Variants in NCOA1 observed in about 807,000 individuals in gnomAD.
NCOA1 encodes nuclear receptor coactivator 1, also known as Hin-2 protein.
NCOA1 carries 35 observed loss-of-function variants against 150.9 expected under a neutral mutation model. That is an observed-to-expected ratio of 0.23 (90% confidence interval 0.18 to 0.31). The LOEUF is 0.31. Ranked by LOEUF, NCOA1 falls within the 10% of genes least tolerant of loss-of-function variation. The pLI, the probability that NCOA1 is intolerant of heterozygous loss-of-function variation, is 1.00. For synonymous variants in NCOA1, 590 were observed against 630.0 expected, an observed-to-expected ratio of 0.94 and a Z score of 0.95; for missense variants, 1,491 against 1,749.3, an observed-to-expected ratio of 0.85 and a Z score of 2.63.
At chr2:24,715,799 T>G (rs1384534165) in intron 14 of NCOA1, among the ~76,000 whole-genome samples, 10 of 152,152 alleles carry the variant, frequency 6.6e-5, no homozygotes, top group African/African-American at 4.8e-5. Context: ...TGTCAAGATA[T>G]CAGTTATTCC....
At chr2:24,666,929 A>G (rs948245343) in intron 6 of NCOA1, among the ~76,000 whole-genome samples, 1 of 152,142 alleles carries the variant, frequency 6.6e-6, no homozygotes, top group African/African-American at 2.4e-5. Context: ...CCTACCAGAA[A>G]TAAAGGCAAA....
intron 3 of NCOA1, among the ~76,000 whole-genome samples, chr2:24,587,987 C>T (rs1007416000): frequency 2.0e-5 from 3 of 152,302 alleles, no homozygotes; most frequent in African/African-American, 7.2e-5. Context: ...TTCCCCTTTA[C>T]AAAATACTGT....
intron 5 of NCOA1, among the ~76,000 whole-genome samples, chr2:24,659,762 A>C (rs888612850): frequency 2.0e-5 from 3 of 152,040 alleles, no homozygotes; most frequent in Non-Finnish European, 4.4e-5. Flanking sequence ...GTTGTGGGGG[A>C]GCTGTCCTGT....
At chr2:24,624,965 G>C (rs1201432393) in intron 3 of NCOA1, among the ~76,000 whole-genome samples, 12 of 152,176 alleles carry the variant, frequency 7.9e-5, no homozygotes, top group Non-Finnish European at 1.6e-4. Flanking sequence ...GACTCAGCTG[G>C]TGTAGTGTGA....
intron 3 of NCOA1, among the ~76,000 whole-genome samples, chr2:24,600,270 A>G (rs1458097046): frequency 6.6e-6 from 1 of 152,060 alleles, no homozygotes; most frequent in African/African-American, 2.4e-5. Flanking sequence ...TGGTGGTGCA[A>G]TGTTGGCTCA....
chr2:24,576,149 G>GTTTTTTTTTGTTTGTTTTTTTTTTT (rs1666947727), intron 2 of NCOA1, among the ~76,000 whole-genome samples: 1 of 94,026 alleles, frequency 1.1e-5, no homozygotes, highest in African/African-American at 4.5e-5. Flanking sequence ...TTTGGCCTTT[G>GTTTTTTTTTGTTTGTTTTTTTTTTT]TTTTTTTTTT....
intron 1 of NCOA1, among the ~76,000 whole-genome samples, chr2:24,554,853 G>A (rs559946902): frequency 2.9e-4 from 44 of 152,278 alleles, no homozygotes; most frequent in Non-Finnish European, 6.0e-4. Context: ...TGGAGGCTGA[G>A]AGCCCCAAAA....
At chr2:24,584,937 C>T (rs1429955737) in intron 3 of NCOA1, among the ~76,000 whole-genome samples, 1 of 152,134 alleles carries the variant, frequency 6.6e-6, no homozygotes, top group East Asian at 1.9e-4. Context: ...ATTGAAGAAA[C>T]CGGTGTTCAA....
intron 15 of NCOA1, 101 bp downstream of exon 15, chr2:24,726,807 G>T: frequency 1.2e-5 from 6 of 512,170 alleles, no homozygotes; most frequent in Non-Finnish European, 2.0e-5. Flanking sequence ...GGTATTTTGT[G>T]AGATATTAAT....
intron 1 of NCOA1, among the ~76,000 whole-genome samples, chr2:24,534,411 ATTT>A (rs200366201): frequency 1.4e-5 from 2 of 145,442 alleles, no homozygotes; most frequent in Non-Finnish European, 3.0e-5. Flanking sequence ...GGATTCATTG[ATTT>A]TTTTTTTTTA....
chr2:24,560,416 T>C (rs1666251018), intron 1 of NCOA1, among the ~76,000 whole-genome samples: 1 of 152,108 alleles, frequency 6.6e-6, no homozygotes, highest in Non-Finnish European at 1.5e-5. Flanking sequence ...CCAAGAGAAG[T>C]TTTGATTCTA....
At chr2:24,556,462 A>G (rs1031394950) in intron 1 of NCOA1, among the ~76,000 whole-genome samples, 1 of 152,216 alleles carries the variant, frequency 6.6e-6, no homozygotes, top group Non-Finnish European at 1.5e-5. Context: ...ATACGCTTGC[A>G]TGTTTATGGT....
chr2:24,495,842 G>A (rs919660062), intron 1 of NCOA1, among the ~76,000 whole-genome samples: 2 of 152,214 alleles, frequency 1.3e-5, no homozygotes, highest in Middle Eastern at 3.4e-3. Context: ...TTGGAGTAAC[G>A]TACTTGTCCT....
At chr2:24,726,160 AG>A (rs1359614175) in intron 14 of NCOA1, among the ~76,000 whole-genome samples, 3 of 152,136 alleles carry the variant, frequency 2.0e-5, no homozygotes, top group African/African-American at 7.2e-5. Context: ...CTCAGATTCT[AG>A]TTTCTGTTCC....
chr2:24,534,826 A>G (rs1212796654), intron 1 of NCOA1, among the ~76,000 whole-genome samples: 2 of 152,006 alleles, frequency 1.3e-5, no homozygotes, highest in Admixed American at 6.6e-5. Context: ...GTTTGTTGTG[A>G]TTTCTGTTCT....
intron 20 of NCOA1, 31 bp from the exon 21 acceptor site, chr2:24,757,942 G>A (rs1009648179): frequency 1.2e-6 from 2 of 1,608,232 alleles, no homozygotes; most frequent in Non-Finnish European, 1.7e-6. Context: ...ATGATCAGTG[G>A]ATGTAATCTG....
At chr2:24,533,927 G>A (rs1396169687) in intron 1 of NCOA1, among the ~76,000 whole-genome samples, 1 of 152,142 alleles carries the variant, frequency 6.6e-6, no homozygotes, top group African/African-American at 2.4e-5. Flanking sequence ...TCTCTGCCAG[G>A]CTTTGGTATC....
intron 19 of NCOA1, among the ~76,000 whole-genome samples, chr2:24,747,327 C>CTTTTTTTTTTTTTTTTTTTTTTTTTTT: frequency 8.3e-6 from 1 of 120,168 alleles, no homozygotes; most frequent in Non-Finnish European, 1.7e-5. Context: ...TTATTTTTCT[C>CTTTTTTTTTTTTTTTTTTTTTTTTTTT]TTTTTTTTTT....
intron 2 of NCOA1, among the ~76,000 whole-genome samples, chr2:24,571,717 T>A (rs551468304): frequency 6.6e-6 from 1 of 152,230 alleles, no homozygotes; most frequent in Non-Finnish European, 1.5e-5. Flanking sequence ...TTTGATTTTG[T>A]AAGTTATCTT....
Sources: gnomAD v4.1 joint callset for allele counts (sites outside exome capture counted in the v4.1 genomes callset) on GRCh38, gnomAD v4.1.1 for gene constraint, MANE v1.5 for transcripts, NCBI Gene and HGNC (gene_info 2026-07-23, HGNC 2026-07-21) for gene names.